Variants in B3GALT1 observed in about 807,000 individuals in gnomAD.
B3GALT1 encodes UDP-Gal:betaGlcNAc beta 1,3-galactosyltransferase, polypeptide 1.
B3GALT1 carries 10 observed loss-of-function variants against 23.2 expected under a neutral mutation model. The ratio of observed to expected loss-of-function variants is 0.43; its 90% confidence interval spans 0.27 to 0.73. The LOEUF is 0.73. B3GALT1 is among the 30% of genes least tolerant of loss of function. The pLI is 0.21. For synonymous variants in B3GALT1, 156 were observed against 141.5 expected (o/e 1.10, Z -0.73); for missense variants, 299 against 405.4 (o/e 0.74, Z 2.25).
chr2:167,816,973 A>G (rs1558989316), intron 3 of B3GALT1, among the ~76,000 whole-genome samples: 2 of 152,220 alleles, frequency 1.3e-5, no homozygotes, highest in East Asian at 1.9e-4. Flanking sequence ...AAGTGTTGCA[A>G]TACTTTTGAT....
intron 1 of B3GALT1, among the ~76,000 whole-genome samples, chr2:167,389,918 A>C (rs1697991177): frequency 7.4e-6 from 1 of 134,420 alleles, no homozygotes; most frequent in Non-Finnish European, 1.5e-5. Context: ...CCAAAAAAAA[A>C]AAAAAACAAA....
chr2:167,578,047 T>G (rs1445498934), intron 2 of B3GALT1, among the ~76,000 whole-genome samples: 2 of 151,966 alleles, frequency 1.3e-5, no homozygotes, highest in African/African-American at 4.8e-5. Flanking sequence ...TTCAGAGATT[T>G]ATTATAATCT....
At chr2:167,799,395 G>C (rs1688598572) in intron 3 of B3GALT1, among the ~76,000 whole-genome samples, 1 of 151,920 alleles carries the variant, frequency 6.6e-6, no homozygotes, top group South Asian at 2.1e-4. Context: ...GTATACCTTT[G>C]TGTACCCTTG....
chr2:167,829,513 G>GA (rs1444813503), intron 4 of B3GALT1, among the ~76,000 whole-genome samples: 17 of 149,532 alleles, frequency 1.1e-4, no homozygotes, highest in South Asian at 6.4e-4. Context: ...GAAGAAGAAA[G>GA]AAAAAAAAAT....
chr2:167,632,248 T>G (rs1685461657), intron 2 of B3GALT1, among the ~76,000 whole-genome samples: 1 of 152,128 alleles, frequency 6.6e-6, no homozygotes, highest in African/African-American at 2.4e-5. Context: ...AGTGCTGCAG[T>G]AAACATACTT....
At chr2:167,380,800 C>G (rs1217718640) in intron 1 of B3GALT1, among the ~76,000 whole-genome samples, 4 of 152,162 alleles carry the variant, frequency 2.6e-5, no homozygotes, top group Non-Finnish European at 5.9e-5. Context: ...CTCTCTGCCT[C>G]TCTCACATAC....
chr2:167,734,695 T>G (rs1297196098), intron 3 of B3GALT1, among the ~76,000 whole-genome samples: 1 of 152,188 alleles, frequency 6.6e-6, no homozygotes, highest in Non-Finnish European at 1.5e-5. Context: ...AAAATTTCCT[T>G]CTAACAATCT....
chr2:167,446,520 T>G (rs187936811), intron 1 of B3GALT1, among the ~76,000 whole-genome samples: 2 of 152,172 alleles, frequency 1.3e-5, no homozygotes, highest in Non-Finnish European at 2.9e-5. Context: ...ATAGATTTGG[T>G]CTTTTCACAT....
In B3GALT1 at chr2:167,829,090, C is replaced by T. The variant is rs752213457; in HGVS notation, c.-230+10297C>T. Among the ~76,000 whole-genome samples, 6 of 152,298 alleles carry T rather than the reference C, an allele frequency of 3.9e-5. No individual in the cohort carries two copies. In the South Asian group the frequency reaches 8.3e-4, roughly 21 times the overall value. On this transcript the variant is annotated intron_variant, in intron 4 of 4. Transcript: ENST00000392690. ...TTGTCCAATACTGATTTGAGTTACT[C>T]GGGTCTTAAAAAGCAATACGTTAAT...
intron 1 of B3GALT1, among the ~76,000 whole-genome samples, chr2:167,383,654 A>T (rs1345576211): frequency 6.6e-6 from 1 of 152,226 alleles, no homozygotes; most frequent in Non-Finnish European, 1.5e-5. Context: ...CATCTAAGAA[A>T]TTATGAAACA....
At chr2:167,854,974 T>C (rs1028121929) in intron 4 of B3GALT1, among the ~76,000 whole-genome samples, 2 of 152,210 alleles carry the variant, frequency 1.3e-5, no homozygotes, top group Non-Finnish European at 2.9e-5. Flanking sequence ...ACTGTTGCCT[T>C]TTAACCTAGG....
At chr2:167,639,077 A>G (rs1247276979) in intron 2 of B3GALT1, among the ~76,000 whole-genome samples, 1 of 152,058 alleles carries the variant, frequency 6.6e-6, no homozygotes, top group African/African-American at 2.4e-5. Context: ...CATATGCTCA[A>G]AAATGATTAG....
At chr2:167,504,246 C>G (rs1699887517) in intron 2 of B3GALT1, among the ~76,000 whole-genome samples, 1 of 152,154 alleles carries the variant, frequency 6.6e-6, no homozygotes, top group African/African-American at 2.4e-5. Flanking sequence ...GCCTTGTTTA[C>G]TTAGTGGTAA....
intron 2 of B3GALT1, among the ~76,000 whole-genome samples, chr2:167,636,014 C>G (rs1483368777): frequency 6.6e-6 from 1 of 151,978 alleles, no homozygotes; most frequent in African/African-American, 2.4e-5. Flanking sequence ...TGGAACAGAA[C>G]AGAGGCTTCA....
chr2:167,453,317 AT>A (rs1337310866), intron 1 of B3GALT1, among the ~76,000 whole-genome samples: 1 of 152,232 alleles, frequency 6.6e-6, no homozygotes, highest in Non-Finnish European at 1.5e-5. Context: ...AAAGCAGGTA[AT>A]CCCACCTCTG....
intron 3 of B3GALT1, among the ~76,000 whole-genome samples, chr2:167,790,926 C>G (rs1295591475): frequency 6.6e-6 from 1 of 152,122 alleles, no homozygotes; most frequent in Non-Finnish European, 1.5e-5. Context: ...AAGGCGCTTC[C>G]CTTTTTTCCT....
At chr2:167,532,394 T>C (rs1683340439) in intron 2 of B3GALT1, among the ~76,000 whole-genome samples, 1 of 152,190 alleles carries the variant, frequency 6.6e-6, no homozygotes, top group Non-Finnish European at 1.5e-5. Context: ...AAATAAAATA[T>C]CAAGAATTAT....
chr2:167,658,028 A>G (rs1685985161), intron 3 of B3GALT1, among the ~76,000 whole-genome samples: 1 of 113,884 alleles, frequency 8.8e-6, no homozygotes, highest in African/African-American at 2.7e-5. Context: ...TCTAACAGTA[A>G]GTGTTGCCAA....
intron 2 of B3GALT1, among the ~76,000 whole-genome samples, chr2:167,594,627 TA>T (rs1474034324): frequency 1.3e-5 from 2 of 152,096 alleles, no homozygotes; most frequent in African/African-American, 2.4e-5. Context: ...AAAACTTGGA[TA>T]GGGGCCTGGC....
Sources: allele counts gnomAD v4.1 joint callset (sites outside exome capture counted in the v4.1 genomes callset), GRCh38; gene constraint gnomAD v4.1.1; transcripts MANE v1.5; gene names NCBI Gene and HGNC (gene_info 2026-07-23, HGNC 2026-07-21).